The following SLC16A9 variants were observed in gnomAD, a reference collection of about 807,000 sequenced individuals.
SLC16A9 encodes the protein solute carrier family 16 member 9.
SLC16A9 carries 26 observed loss-of-function variants against 44.3 expected under a neutral mutation model. That is an observed-to-expected ratio of 0.59 (90% CI 0.43 to 0.81). SLC16A9 has a LOEUF of 0.81. SLC16A9 is among the 40% of genes least tolerant of loss of function. SLC16A9 has a pLI of 0.00. For synonymous variants in SLC16A9, 230 were observed against 225.1 expected (o/e 1.02, Z -0.19); for missense variants, 559 against 595.8 (o/e 0.94, Z 0.64).
intron 2 of SLC16A9, among the ~76,000 whole-genome samples, chr10:59,680,983 A>AAATAATAATAATAATAAT (rs67119717): frequency 0.019 from 2,750 of 147,980 alleles, 28 homozygotes; most frequent in Non-Finnish European, 0.023. Context: ...ACCCAATCTC[A>AAATAATAATAATAATAAT]AATAATAATA....
chr10:59,686,715 GT>G (rs1426166880), intron 1 of SLC16A9, among the ~76,000 whole-genome samples: 1 of 152,138 alleles, frequency 6.6e-6, no homozygotes, highest in Admixed American at 6.5e-5. Context: ...ATGCAATACA[GT>G]CATATAGTCA....
chr10:59,666,649 A>G (rs1267260038), intron 3 of SLC16A9, among the ~76,000 whole-genome samples: 1 of 152,206 alleles, frequency 6.6e-6, no homozygotes, highest in Non-Finnish European at 1.5e-5. Flanking sequence ...CTTCACCTGA[A>G]TTACAATAAT....
rs770693741 is a variant in SLC16A9 at position 59,684,304 on chromosome 10, T to C, written c.-13A>G. ...TTTTAAGTTCCATTGTAAGACAAAATCAGGAGGCGTTTCTCTGCAGGTCCT... is the reference window on the plus strand; with the variant it reads ...TTTTAAGTTCCATTGTAAGACAAAACCAGGAGGCGTTTCTCTGCAGGTCCT... On this transcript the variant is annotated 5_prime_UTR_variant, in exon 2 of 6. Coordinates refer to ENST00000395348, the MANE Select transcript of SLC16A9 (RefSeq NM_194298.3). 5.6e-6 allele frequency: 9 copies of C among 1,608,628 alleles called. No individual in the cohort carries two copies. In the East Asian group the frequency reaches 2.0e-4, roughly 36 times the overall value.
chr10:59,675,881 G>A (rs1282460994), intron 2 of SLC16A9, among the ~76,000 whole-genome samples: 1 of 152,190 alleles, frequency 6.6e-6, no homozygotes, highest in Non-Finnish European at 1.5e-5. Flanking sequence ...AATCTCTCAA[G>A]TTGCCCACAT....
rs531503245 is a variant in SLC16A9, at chr10:59,696,258, C to G, written c.-36-11931G>C. Among the ~76,000 whole-genome samples the G allele has an allele frequency of 6.5e-4, 99 of 152,360 alleles. No individual in the cohort carries two copies. In the South Asian group the frequency reaches 0.02, roughly 30 times the overall value. Reference sequence around the variant, plus strand: ...GCCTGCGATTGTAGGCGCGGGCCCCCACGCCTGACTGGTTTTCGTATTTTT... The same window carrying G: ...GCCTGCGATTGTAGGCGCGGGCCCCGACGCCTGACTGGTTTTCGTATTTTT... On this transcript the variant is annotated intron_variant, in intron 1 of 5. Coordinates refer to ENST00000395348, the MANE Select transcript of SLC16A9 (RefSeq NM_194298.3).
chr10:59,699,901 A>AAC (rs57820696), intron 1 of SLC16A9, among the ~76,000 whole-genome samples: 23,843 of 147,518 alleles, frequency 0.16, 2,075 homozygotes, highest in Non-Finnish European at 0.21. Context: ...CTGCACTGAA[A>AAC]ACACACACAC....
intron 4 of SLC16A9, among the ~76,000 whole-genome samples, chr10:59,662,518 C>T (rs1224095665): frequency 1.3e-5 from 2 of 150,264 alleles, no homozygotes; most frequent in Non-Finnish European, 3.0e-5. Flanking sequence ...ACCTGTAATC[C>T]CAGCTACTCA....
rs138607526 is a variant in SLC16A9 at position 59,652,801 on chromosome 10, A to C, written c.1501T>G (p.Phe501Val). The C allele has an allele frequency of 0.013, 21,141 of 1,611,346 alleles. 185 individuals are homozygous for C. The highest frequency in any genetic ancestry group is 0.017 in the Non-Finnish European group (19,539 of 1,179,256). The change falls in exon 6 of 6, where the codon TTC (phenylalanine) becomes GTC (valine). Residue 501 changes from phenylalanine (F) to valine (V), a missense_variant. By Grantham distance (50) the Phe-to-Val change is conservative. Coordinates refer to ENST00000395348, the MANE Select transcript of SLC16A9 (RefSeq NM_194298.3). ...KQLPKPAPTTFLYKVASNV is the reference protein window; with the variant it reads ...KQLPKPAPTTVLYKVASNV The stretch of plus-strand genomic sequence containing the variant: ...ACATTAGAGGCAACTTTGTACAAGA[A>C]AGTTGTTGGAGCTGGCTTGGGGAGT...
At chr10:59,664,450 C>A (rs1458742437) in intron 3 of SLC16A9, 128 bp from the exon 4 acceptor site, 1 of 511,742 alleles carries the variant, frequency 2.0e-6, no homozygotes, top group Non-Finnish European at 3.4e-6. Context: ...CAAGTACAGA[C>A]TCCTAGATTC....
chr10:59,663,086 ATGG>A (rs1197704604), intron 4 of SLC16A9, among the ~76,000 whole-genome samples: 1 of 152,124 alleles, frequency 6.6e-6, no homozygotes, highest in African/African-American at 2.4e-5. Context: ...TAGGCCAGGC[ATGG>A]TGGCTCACGC....
Position 59,654,589 on chromosome 10 carries a change from C to G in SLC16A9, c.437G>C (p.Gly146Ala). 1.3e-6 allele frequency: 2 copies of G among 1,565,660 alleles called. No homozygotes were observed. Among genetic ancestry groups the G allele is most frequent in the Non-Finnish European group, 1.7e-6 (2 of 1,162,852 alleles). Reference protein sequence around the residue: ...RGLALGLISTGSSVGLFIYAA... With the variant: ...RGLALGLISTASSVGLFIYAA... ...ATATATGAAAAGGCCAACGCTTGAACCTAAAAAGGGAATGGGAACTGTTCA... is the reference window on the plus strand; with the variant it reads ...ATATATGAAAAGGCCAACGCTTGAAGCTAAAAAGGGAATGGGAACTGTTCA... The change falls in exon 5 of 6, where the codon GGT (glycine) becomes GCT (alanine). Residue 146 changes from glycine (G) to alanine (A), a missense_variant and splice_region_variant. Physicochemically the swap from Gly to Ala is moderately conservative, Grantham distance 60. Coordinates refer to ENST00000395348, the MANE Select transcript of SLC16A9 (RefSeq NM_194298.3).
intron 2 of SLC16A9, among the ~76,000 whole-genome samples, chr10:59,679,392 G>A (rs965270731): frequency 6.6e-6 from 1 of 152,134 alleles, no homozygotes; most frequent in Non-Finnish European, 1.5e-5. Flanking sequence ...TGGCTTACAC[G>A]TTTGAAACAA....
chr10:59,668,537 AT>A (rs1839674967), intron 3 of SLC16A9, among the ~76,000 whole-genome samples: 1 of 152,214 alleles, frequency 6.6e-6, no homozygotes, highest in Non-Finnish European at 1.5e-5. Context: ...TACAAGTTAT[AT>A]ATTTTCAAGT....
chr10:59,676,086 T>C (rs1208469065), intron 2 of SLC16A9, among the ~76,000 whole-genome samples: 1 of 152,238 alleles, frequency 6.6e-6, no homozygotes, highest in Non-Finnish European at 1.5e-5. Context: ...CCACTGGTAA[T>C]GGTACTTTTG....
chr10:59,704,384 T>A (rs1425383732), intron 1 of SLC16A9, among the ~76,000 whole-genome samples: 2 of 152,024 alleles, frequency 1.3e-5, no homozygotes, highest in Non-Finnish European at 2.9e-5. Context: ...TCTTATTCAA[T>A]CCCTCAATCT....
intron 2 of SLC16A9, among the ~76,000 whole-genome samples, chr10:59,675,668 G>A (rs762360394): frequency 4.6e-5 from 7 of 152,144 alleles, no homozygotes; most frequent in Non-Finnish European, 1.0e-4. Flanking sequence ...GCATTTGACT[G>A]GTAAAGGAAA....
intron 1 of SLC16A9, among the ~76,000 whole-genome samples, chr10:59,686,175 A>T (rs549692516): frequency 6.6e-6 from 1 of 152,264 alleles, no homozygotes; most frequent in South Asian, 2.1e-4. Flanking sequence ...CTGTCTATTC[A>T]CACATCATTA....
At chr10:59,666,997 TAC>T (rs1839634541) in intron 3 of SLC16A9, among the ~76,000 whole-genome samples, 1 of 152,194 alleles carries the variant, frequency 6.6e-6, no homozygotes, top group African/African-American at 2.4e-5. Flanking sequence ...AGTGATGTTT[TAC>T]AATGAAATGT....
intron 3 of SLC16A9, among the ~76,000 whole-genome samples, chr10:59,665,126 C>T (rs1310802353): frequency 6.6e-6 from 1 of 152,118 alleles, no homozygotes; most frequent in Non-Finnish European, 1.5e-5. Context: ...ATCTCCAAGG[C>T]TCTCGTTTGT....
Sources: gnomAD v4.1 joint callset for allele counts (sites outside exome capture counted in the v4.1 genomes callset) on GRCh38, gnomAD v4.1.1 for gene constraint, MANE v1.5 for transcripts, NCBI Gene and HGNC (gene_info 2026-07-23, HGNC 2026-07-21) for gene names.